The following POU6F2 variants were observed in gnomAD, a reference collection of about 807,000 sequenced individuals.
The protein encoded by POU6F2 is POU class 6 homeobox 2.
Under a neutral mutation model 71.3 loss-of-function variants are expected in POU6F2, and 31 were observed. That is an observed-to-expected ratio of 0.43 (90% CI 0.33 to 0.59). The LOEUF (loss-of-function observed/expected upper bound fraction) is 0.59, where lower values mean the gene tolerates loss of function less well. Among genes scored for constraint, POU6F2 ranks in the 20% least tolerant of loss-of-function variants. The pLI is 0.04. For synonymous variants in POU6F2, 347 were observed against 355.7 expected (o/e 0.98, Z 0.27); for missense variants, 783 against 856.8 (o/e 0.91, Z 1.07).
In POU6F2 at chr7:39,151,882, C is replaced by T. The variant is rs549676198; in HGVS notation, c.278-52353C>T. ...AAGTAAGGAAGGGGACCGCTGGTAACCCTTTTGAATGACAGTAACAAAATG... is the reference window on the plus strand; with the variant it reads ...AAGTAAGGAAGGGGACCGCTGGTAATCCTTTTGAATGACAGTAACAAAATG... On this transcript the variant is annotated intron_variant, in intron 2 of 9. Transcript: ENST00000518318. 5.9e-5 allele frequency among the ~76,000 whole-genome samples: 9 copies of T among 152,224 alleles called. 1 individual carries two copies. The South Asian group carries it at 1.2e-3, about 21-fold the overall frequency.
chr7:39,156,044 A>AG (rs1052645441), intron 2 of POU6F2, among the ~76,000 whole-genome samples: 4 of 152,168 alleles, frequency 2.6e-5, no homozygotes, highest in African/African-American at 9.7e-5. Context: ...TTTCCAAAAA[A>AG]TACATATTAA....
rs182586440 is a variant in POU6F2, at chr7:39,025,613, G to T, written c.105+47555G>T. 6.7e-4 allele frequency among the ~76,000 whole-genome samples: 102 copies of T among 152,002 alleles called. 1 individual carries two copies. The highest frequency in any genetic ancestry group is 2.3e-3 in the African/African-American group (97 of 41,496). ...AAAAATTAGTTCAAGATGGATTAAA[G>T]ACTTAAATGTTAGACCTAAAACCAT... On this transcript the variant is annotated intron_variant, in intron 1 of 9. Transcript: ENST00000518318.
chr7:39,189,893 C>T (rs1317282546), intron 2 of POU6F2, among the ~76,000 whole-genome samples: 5 of 151,864 alleles, frequency 3.3e-5, no homozygotes, highest in Admixed American at 6.6e-5. Flanking sequence ...TACTGAGATG[C>T]CCCCATGGTG....
intron 1 of POU6F2, among the ~76,000 whole-genome samples, chr7:39,015,237 G>A (rs10435033): frequency 0.33 from 46,578 of 142,270 alleles, 8,112 homozygotes; most frequent in East Asian, 0.7. Flanking sequence ...TTATATATCT[G>A]TATTATATAT....
intron 1 of POU6F2, among the ~76,000 whole-genome samples, chr7:39,016,002 A>G (rs1282544396): frequency 9.9e-5 from 5 of 50,464 alleles, no homozygotes; most frequent in African/African-American, 2.9e-4. Context: ...ATATATAGAT[A>G]TATATTATAT....
intron 4 of POU6F2, among the ~76,000 whole-genome samples, chr7:39,291,676 G>A (rs1455531466): frequency 1.3e-5 from 2 of 152,164 alleles, no homozygotes; most frequent in African/African-American, 4.8e-5. Flanking sequence ...ACATGAAGAA[G>A]AACCTCAGAA....
At chr7:39,113,105 C>A (rs959493749) in intron 2 of POU6F2, among the ~76,000 whole-genome samples, 2 of 152,100 alleles carry the variant, frequency 1.3e-5, no homozygotes, top group Non-Finnish European at 2.9e-5. Context: ...TGAAGTATAT[C>A]ATTGTCTTGA....
At chr7:39,012,163 A>G (rs1384477996) in intron 1 of POU6F2, among the ~76,000 whole-genome samples, 2 of 151,776 alleles carry the variant, frequency 1.3e-5, no homozygotes, top group Non-Finnish European at 2.9e-5. Context: ...AGGTACACCA[A>G]TCAGACGTAG....
intron 1 of POU6F2, among the ~76,000 whole-genome samples, chr7:38,996,466 T>C (rs1292139664): frequency 6.6e-6 from 1 of 152,160 alleles, no homozygotes; most frequent in Non-Finnish European, 1.5e-5. Context: ...GCTCACAGGT[T>C]CTTCTCTTTC....
chr7:39,174,983 C>T (rs1379793719), intron 2 of POU6F2, among the ~76,000 whole-genome samples: 1 of 152,262 alleles, frequency 6.6e-6, no homozygotes, highest in Admixed American at 6.5e-5. Context: ...TGTGACCTCT[C>T]TCCAGTGTTT....
intron 1 of POU6F2, among the ~76,000 whole-genome samples, chr7:39,003,583 CAA>C (rs10650128): frequency 1.6e-5 from 2 of 128,352 alleles, no homozygotes; most frequent in Non-Finnish European, 3.2e-5. Context: ...ACTAAAAATA[CAA>C]AAAAAAAAAA....
intron 6 of POU6F2, among the ~76,000 whole-genome samples, chr7:39,415,475 G>A (rs567606663): frequency 2.0e-4 from 30 of 152,278 alleles, no homozygotes; most frequent in African/African-American, 7.0e-4. Context: ...CTAAATAACA[G>A]CTATAATTCT....
At chr7:39,120,126 T>C (rs139692921) in intron 2 of POU6F2, among the ~76,000 whole-genome samples, 8 of 152,368 alleles carry the variant, frequency 5.3e-5, no homozygotes, top group East Asian at 1.9e-4. Context: ...CAGAGTATTG[T>C]ATCAGATAAA....
intron 2 of POU6F2, among the ~76,000 whole-genome samples, chr7:39,092,178 G>T (rs920836191): frequency 6.6e-6 from 1 of 152,188 alleles, no homozygotes; most frequent in Non-Finnish European, 1.5e-5. Context: ...CTGTCAGGGG[G>T]CAATCTGTAT....
At chr7:38,992,401 A>G (rs1788628411) in intron 1 of POU6F2, among the ~76,000 whole-genome samples, 2 of 152,236 alleles carry the variant, frequency 1.3e-5, no homozygotes, top group African/African-American at 4.8e-5. Context: ...TTCATACTGC[A>G]TAACACGTTT....
chr7:39,286,005 G>A (rs951143930), intron 4 of POU6F2, among the ~76,000 whole-genome samples: 3 of 152,236 alleles, frequency 2.0e-5, no homozygotes, highest in African/African-American at 4.8e-5. Flanking sequence ...GTGAGCAAAA[G>A]GGTGAATAGG....
At chr7:39,091,044 C>T (rs1318076715) in intron 2 of POU6F2, among the ~76,000 whole-genome samples, 1 of 152,098 alleles carries the variant, frequency 6.6e-6, no homozygotes, top group South Asian at 2.1e-4. Flanking sequence ...AGGCTGTGTG[C>T]ATTTGGACAA....
intron 1 of POU6F2, among the ~76,000 whole-genome samples, chr7:39,064,954 G>T (rs1306523807): frequency 6.6e-6 from 1 of 151,834 alleles, no homozygotes; most frequent in Admixed American, 6.6e-5. Context: ...ATGCGAAGTT[G>T]ATTAAAAACC....
chr7:39,403,122 C>T (rs1052858558), intron 5 of POU6F2, among the ~76,000 whole-genome samples: 14 of 152,208 alleles, frequency 9.2e-5, no homozygotes, highest in African/African-American at 3.1e-4. Flanking sequence ...CTGATGCCCT[C>T]AGCTGCATTA....
Sources: gnomAD v4.1 joint callset for allele counts (sites outside exome capture counted in the v4.1 genomes callset) on GRCh38, gnomAD v4.1.1 for gene constraint, MANE v1.5 for transcripts, NCBI Gene and HGNC (gene_info 2026-07-23, HGNC 2026-07-21) for gene names.